AGXT2: variants seen among roughly 807,000 people sequenced by gnomAD.
The protein encoded by AGXT2 is alanine--glyoxylate aminotransferase 2, mitochondrial.
A neutral mutation model predicts 62.5 loss-of-function variants in AGXT2; 61 were observed. That is an observed-to-expected ratio of 0.98 (90% CI 0.79 to 1.21). AGXT2 has a LOEUF of 1.21. AGXT2 is among the 50% of genes most tolerant of loss of function. AGXT2 has a pLI of 0.00. For synonymous variants in AGXT2, 243 were observed against 218.7 expected (o/e 1.11, Z -0.98); for missense variants, 666 against 641.5 (o/e 1.04, Z -0.41).
intron 9 of AGXT2, among the ~76,000 whole-genome samples, chr5:35,022,722 A>T (rs1767158850): frequency 7.0e-6 from 1 of 142,344 alleles, no homozygotes; most frequent in South Asian, 2.3e-4. Flanking sequence ...TTAAAGTATA[A>T]TAATAATAAA....
chr5:35,018,164 G>A (rs529920990), intron 9 of AGXT2, among the ~76,000 whole-genome samples: 2 of 152,288 alleles, frequency 1.3e-5, no homozygotes, highest in South Asian at 4.1e-4. Context: ...ATATTATCCA[G>A]GAGAACTTCC....
intron 3 of AGXT2, 42 bp downstream of exon 3, chr5:35,039,282 A>G (rs1353218713): frequency 3.1e-6 from 5 of 1,594,620 alleles, no homozygotes; most frequent in Admixed American, 1.7e-5. Context: ...TTTTCCATGC[A>G]TTCTTTTGGA....
Position 35,037,039 on chromosome 5 carries a change from TG to T in AGXT2, c.388del (p.Gln130SerfsTer38). 1 of 1,614,188 alleles carries T rather than the reference TG, an allele frequency of 6.2e-7. No homozygotes were observed. Among genetic ancestry groups the T allele is most frequent in the African/African-American group, 1.3e-5 (1 of 75,078 alleles). Reference sequence around the variant, plus strand: ...GCTTGTATGCCACAGGCGGCCGAGCTGCTTTTGTGCCACTGCATTCACCTTT... The same window carrying T: ...GCTTGTATGCCACAGGCGGCCGAGCTCTTTTGTGCCACTGCATTCACCTTT... ...HPKVNAVAQK[Q>X]LGRLWHTSTV... On this transcript the variant is annotated frameshift_variant, in exon 4 of 14. Transcript: ENST00000231420. LOFTEE classifies it high-confidence loss of function.
rs1484327432 is a variant in AGXT2 at position 35,003,806 on chromosome 5, T to C, written c.1394A>G (p.Lys465Arg). The C allele has an allele frequency of 6.2e-7, 1 of 1,614,214 alleles. No individual in the cohort carries two copies. The highest frequency in any genetic ancestry group is 8.5e-7 in the Non-Finnish European group (1 of 1,180,026). The change falls in exon 13 of 14, where the codon AAG becomes AGG. Residue 465 changes from lysine to arginine, a missense_variant. Coordinates refer to ENST00000231420, the MANE Select transcript of AGXT2 (RefSeq NM_031900.4). ...EEVNQIHEDC[K>R]HMGLLVGRGS... Reference sequence around the variant, plus strand: ...TCTGCCAACGAGGAGTCCCATGTGCTTGCAGTCCTCATGGATCTGATTTAC... The same window carrying C: ...TCTGCCAACGAGGAGTCCCATGTGCCTGCAGTCCTCATGGATCTGATTTAC...
intron 9 of AGXT2, among the ~76,000 whole-genome samples, chr5:35,021,449 C>T (rs1767079330): frequency 1.3e-5 from 2 of 150,362 alleles, no homozygotes; most frequent in South Asian, 4.3e-4. Context: ...CTTTGACAAA[C>T]CTGAGAAAAA....
At chr5:35,005,769 TG>T (rs920448294) in intron 12 of AGXT2, among the ~76,000 whole-genome samples, 8 of 152,042 alleles carry the variant, frequency 5.3e-5, no homozygotes, top group Non-Finnish European at 1.0e-4. Flanking sequence ...TGCTTGATAA[TG>T]AAGTGGGCAT....
intron 4 of AGXT2, 93 bp from the exon 5 acceptor site, chr5:35,035,409 G>A (rs540978616): frequency 5.8e-6 from 6 of 1,028,568 alleles, no homozygotes; most frequent in Middle Eastern, 2.0e-4. Context: ...CAGCCCCTGA[G>A]TATTAAGGAG....
At chr5:35,008,327 G>A (rs1020583085) in intron 12 of AGXT2, among the ~76,000 whole-genome samples, 5 of 152,156 alleles carry the variant, frequency 3.3e-5, no homozygotes, top group Non-Finnish European at 7.4e-5. Context: ...ACAAAGTTGT[G>A]ATGAACATCT....
At chr5:35,022,740 A>T (rs1767159687) in intron 9 of AGXT2, among the ~76,000 whole-genome samples, 1 of 74,576 alleles carries the variant, frequency 1.3e-5, no homozygotes, top group Non-Finnish European at 2.7e-5. Flanking sequence ...AAATAAAAAG[A>T]GAGAAGTAAA....
chr5:35,011,794 C>G (rs1766651781), intron 11 of AGXT2, among the ~76,000 whole-genome samples: 1 of 151,840 alleles, frequency 6.6e-6, no homozygotes, highest in Non-Finnish European at 1.5e-5. Context: ...GAAAAAAAAG[C>G]CATTATATCA....
intron 12 of AGXT2, 137 bp downstream of exon 12, chr5:35,009,863 T>C: frequency 8.5e-7 from 1 of 1,170,942 alleles, no homozygotes; most frequent in Non-Finnish European, 1.2e-6. Context: ...TCTCTACTAA[T>C]CTCTAAAGGG....
At chr5:35,037,102 T>G in intron 3 of AGXT2, 37 bp from the exon 4 acceptor site, 3 of 1,612,880 alleles carry the variant, frequency 1.9e-6, no homozygotes, top group Non-Finnish European at 1.7e-6. Flanking sequence ...CTGCACTGCG[T>G]GCCACGTCCC....
In AGXT2 at chr5:35,016,857, C is replaced by A. The variant is rs150227280; in HGVS notation, c.964-2738G>T. On this transcript the variant is annotated intron_variant, in intron 9 of 13. Coordinates refer to ENST00000231420, the MANE Select transcript of AGXT2 (RefSeq NM_031900.4). ...TACAGAGATGGATCATTCTAAGGTC[C>A]ACAAACTCAACTGTCTTTGGAGATG... Among the ~76,000 whole-genome samples, 491 of 152,216 alleles carry A rather than the reference C, an allele frequency of 3.2e-3. 5 individuals carry two copies. The highest frequency in any genetic ancestry group is 0.011 in the African/African-American group (471 of 41,514).
chr5:35,015,801 G>T (rs1010724633), intron 9 of AGXT2, among the ~76,000 whole-genome samples: 15 of 138,308 alleles, frequency 1.1e-4, no homozygotes, highest in Admixed American at 3.4e-4. Context: ...AGTGAGCCGG[G>T]ATCATGCCAC....
intron 11 of AGXT2, among the ~76,000 whole-genome samples, chr5:35,011,136 G>C (rs912332634): frequency 6.6e-6 from 1 of 152,150 alleles, no homozygotes; most frequent in Admixed American, 6.5e-5. Flanking sequence ...AAACCTTCTT[G>C]CCTTCTAAAT....
intron 13 of AGXT2, among the ~76,000 whole-genome samples, chr5:35,002,778 G>A (rs1055217410): frequency 9.2e-6 from 1 of 108,376 alleles, no homozygotes; most frequent in East Asian, 3.0e-4. Context: ...TAGCAGGCTG[G>A]GGGGGGGGAC....
chr5:35,010,406 A>C (rs1169304283), intron 11 of AGXT2, among the ~76,000 whole-genome samples: 1 of 152,192 alleles, frequency 6.6e-6, no homozygotes, highest in Non-Finnish European at 1.5e-5. Context: ...TAGGCCAGGC[A>C]TGGTGGCTCA....
chr5:35,025,961 A>G (rs1489267807), intron 8 of AGXT2, 106 bp from the exon 9 acceptor site: 1 of 935,514 alleles, frequency 1.1e-6, no homozygotes, highest in Non-Finnish European at 1.7e-6. Context: ...CAGTAACACT[A>G]GCAATTTTAA....
intron 13 of AGXT2, among the ~76,000 whole-genome samples, chr5:34,999,347 T>C (rs963304098): frequency 6.6e-6 from 1 of 152,190 alleles, no homozygotes; most frequent in Non-Finnish European, 1.5e-5. Context: ...TTTTCAGGTC[T>C]ATTGCTCCAC....
Sources: allele counts gnomAD v4.1 joint callset (sites outside exome capture counted in the v4.1 genomes callset), GRCh38; gene constraint gnomAD v4.1.1; transcripts MANE v1.5; gene names NCBI Gene and HGNC (gene_info 2026-07-23, HGNC 2026-07-21).